Variants in GRM1 observed in about 807,000 individuals in gnomAD.
GRM1 encodes the protein metabotropic glutamate receptor 1.
GRM1 carries 33 observed loss-of-function variants against 90.9 expected under a neutral mutation model. The ratio of observed to expected loss-of-function variants is 0.36; its 90% CI spans 0.28 to 0.49. The LOEUF is 0.49. Ranked by LOEUF, GRM1 falls within the 20% of genes least tolerant of loss-of-function variation. The pLI is 0.99. For missense variants in GRM1, 1,190 were observed against 1,534.3 expected, an observed-to-expected ratio of 0.78 and a Z score of 3.75; for synonymous variants, 700 against 613.2, an observed-to-expected ratio of 1.14 and a Z score of -2.09.
Position 146,437,091 on chromosome 6 carries a change from C to T in GRM1, c.*2295C>T, listed in dbSNP as rs1183161971. ...AGCAGAGAGCGGAAAATCAATGGCT[C>T]CAGTGATTAATAGATGGGTTTTTAG... On this transcript the variant is annotated 3_prime_UTR_variant, in exon 8 of 8. Coordinates refer to ENST00000282753, the MANE Select transcript of GRM1 (RefSeq NM_001278064.2). 1 of 152,056 alleles carries T rather than the reference C, an allele frequency of 6.6e-6. No individual in the cohort carries two copies. The allele number at this position is 152,056 out of a possible 1,614,324, so 9.4% of individuals were successfully genotyped here.
intron 1 of GRM1, among the ~76,000 whole-genome samples, chr6:146,124,687 C>G (rs1462394528): frequency 2.0e-5 from 3 of 152,068 alleles, no homozygotes; most frequent in East Asian, 3.9e-4. Flanking sequence ...TTACAATAAA[C>G]ATTTCTGGAA....
intron 2 of GRM1, among the ~76,000 whole-genome samples, chr6:146,192,845 T>G (rs1380753970): frequency 2.6e-5 from 4 of 152,178 alleles, no homozygotes; most frequent in African/African-American, 9.7e-5. Flanking sequence ...CTTTTCTGCC[T>G]GCTATATGGA....
chr6:146,250,569 C>T (rs144180144), intron 2 of GRM1, among the ~76,000 whole-genome samples: 19 of 152,316 alleles, frequency 1.2e-4, no homozygotes, highest in African/African-American at 4.6e-4. Context: ...AGAACTGTGA[C>T]TCAATTAAAC....
chr6:146,256,828 C>G (rs928580902), intron 2 of GRM1, among the ~76,000 whole-genome samples: 9 of 152,124 alleles, frequency 5.9e-5, no homozygotes, highest in African/African-American at 2.2e-4. Flanking sequence ...GAAATTGTTT[C>G]CTTTACAACC....
intron 2 of GRM1, chr6:146,159,949 A>C: frequency 4.7e-6 from 1 of 214,228 alleles, no homozygotes; most frequent in African/African-American, 2.3e-5. Context: ...AAGAAAGAAA[A>C]ACAAGAGCAG....
chr6:146,074,334 G>A (rs1297959042), intron 1 of GRM1, among the ~76,000 whole-genome samples: 1 of 152,108 alleles, frequency 6.6e-6, no homozygotes, highest in Non-Finnish European at 1.5e-5. Flanking sequence ...CTTTTCCACA[G>A]GAGGAGTTTA....
intron 7 of GRM1, among the ~76,000 whole-genome samples, chr6:146,409,375 G>A (rs1473124725): frequency 6.6e-6 from 1 of 152,100 alleles, no homozygotes; most frequent in Non-Finnish European, 1.5e-5. Context: ...CCATGGAGGG[G>A]GAAGAAAACT....
intron 2 of GRM1, among the ~76,000 whole-genome samples, chr6:146,216,721 C>A (rs538792277): frequency 6.6e-6 from 1 of 152,262 alleles, no homozygotes; most frequent in East Asian, 1.9e-4. Flanking sequence ...GCAGAGTCAC[C>A]GTGTACTTTC....
chr6:146,323,268 T>C (rs973474189), intron 3 of GRM1, among the ~76,000 whole-genome samples: 5 of 152,246 alleles, frequency 3.3e-5, no homozygotes, highest in African/African-American at 7.2e-5. Context: ...CCTGACTTTT[T>C]AATGATTGCC....
intron 1 of GRM1, among the ~76,000 whole-genome samples, chr6:146,078,440 A>G (rs1776260018): frequency 6.6e-6 from 1 of 152,210 alleles, no homozygotes; most frequent in Admixed American, 6.5e-5. Context: ...TGTTCAGCAC[A>G]AGTGCTAGCT....
At chr6:146,417,711 T>G (rs1266429113) in intron 7 of GRM1, among the ~76,000 whole-genome samples, 1 of 152,208 alleles carries the variant, frequency 6.6e-6, no homozygotes, top group African/African-American at 2.4e-5. Flanking sequence ...TTTTGTGTTA[T>G]AAGTCCTTTA....
At chr6:146,091,408 A>G (rs549018314) in intron 1 of GRM1, among the ~76,000 whole-genome samples, 1 of 152,200 alleles carries the variant, frequency 6.6e-6, no homozygotes, top group African/African-American at 2.4e-5. Flanking sequence ...CTTAGCTCTA[A>G]TAGGGATTTA....
chr6:146,241,265 C>T (rs576973439), intron 2 of GRM1, among the ~76,000 whole-genome samples: 36 of 152,162 alleles, frequency 2.4e-4, no homozygotes, highest in Middle Eastern at 3.4e-3. Flanking sequence ...TTTTCTTCAA[C>T]AAATGAGACA....
intron 7 of GRM1, among the ~76,000 whole-genome samples, chr6:146,422,351 C>G (rs1379362355): frequency 6.6e-6 from 1 of 152,094 alleles, no homozygotes; most frequent in Non-Finnish European, 1.5e-5. Flanking sequence ...CTGAAGTCAA[C>G]AAGTAAAGTG....
intron 2 of GRM1, 108 bp downstream of exon 2, chr6:146,159,705 G>C: frequency 9.2e-7 from 1 of 1,085,200 alleles, no homozygotes; most frequent in Non-Finnish European, 1.4e-6. Context: ...AACTAGACTT[G>C]CTAACTCCAA....
At chr6:146,045,544 AGTAAG>A (rs1582921504) in intron 1 of GRM1, among the ~76,000 whole-genome samples, 1 of 151,928 alleles carries the variant, frequency 6.6e-6, no homozygotes, top group East Asian at 1.9e-4. Flanking sequence ...TTTCTGCCTT[AGTAAG>A]GGGTTTGATG....
In GRM1 at chr6:146,306,096, C is replaced by T. The variant is rs1237725157; in HGVS notation, c.1186+1250C>T. On this transcript the variant is annotated intron_variant, in intron 3 of 7. Coordinates refer to ENST00000282753, the MANE Select transcript of GRM1 (RefSeq NM_001278064.2). ...TCAGCAGAGTTCAATGGGAAATTGCCTGGTATGGATCTATTTTCAAATAAG... is the reference window on the plus strand; with the variant it reads ...TCAGCAGAGTTCAATGGGAAATTGCTTGGTATGGATCTATTTTCAAATAAG... Among the ~76,000 whole-genome samples, 4 of 152,116 alleles carry T rather than the reference C, an allele frequency of 2.6e-5. No individual in the cohort carries two copies. In the East Asian group the frequency reaches 7.7e-4, roughly 29 times the overall value.
chr6:146,130,060 G>A (rs551041309), intron 1 of GRM1, among the ~76,000 whole-genome samples: 1 of 152,096 alleles, frequency 6.6e-6, no homozygotes, highest in East Asian at 1.9e-4. Context: ...TCAACCCAAT[G>A]CTTCATTGTA....
At chr6:146,323,373 CT>C (rs1342938595) in intron 3 of GRM1, among the ~76,000 whole-genome samples, 1 of 152,142 alleles carries the variant, frequency 6.6e-6, no homozygotes, top group Non-Finnish European at 1.5e-5. Flanking sequence ...TGTTTTTTGG[CT>C]GCATAAATGT....
Sources: gnomAD v4.1 joint callset for allele counts (sites outside exome capture counted in the v4.1 genomes callset) on GRCh38, gnomAD v4.1.1 for gene constraint, MANE v1.5 for transcripts, NCBI Gene and HGNC (gene_info 2026-07-23, HGNC 2026-07-21) for gene names.